Variants in FLAD1 observed in about 807,000 individuals in gnomAD.
FLAD1 encodes bifunctional FAD diphosphatase/FAD synthase.
FLAD1 carries 35 observed loss-of-function variants against 55.0 expected under a neutral mutation model. That is an observed-to-expected ratio of 0.64 (90% CI 0.49 to 0.84). The LOEUF (loss-of-function observed/expected upper bound fraction) is 0.84, where lower values mean the gene tolerates loss of function less well. FLAD1 is among the 40% of genes least tolerant of loss of function. The probability of loss-of-function intolerance (pLI) is 0.00; values close to 1 mark genes in which losing one functional copy is unlikely to be tolerated. For missense variants in FLAD1, 665 were observed against 742.6 expected, an observed-to-expected ratio of 0.90 and a Z score of 1.21; for synonymous variants, 267 against 303.0, an observed-to-expected ratio of 0.88 and a Z score of 1.23.
In FLAD1 at chr1:154,988,604, C is replaced by T; in HGVS notation, c.872C>T (p.Ala291Val). 1 of 1,614,230 alleles carries T rather than the reference C, an allele frequency of 6.2e-7. No individual in the cohort carries two copies. Among genetic ancestry groups the T allele is most frequent in the Non-Finnish European group, 8.5e-7 (1 of 1,180,054 alleles). The change falls in exon 2 of 7, where the codon GCC becomes GTC. Residue 291 changes from alanine to valine, a missense_variant. By Grantham distance (64) the Ala-to-Val change is moderately conservative (BLOSUM62 0). Transcript: ENST00000292180. ...SKELYVAADE[A>V]SIAPILAEAQ... ...GAGCTATATGTGGCTGCTGATGAAG[C>T]CTCCATCGCCCCCATTCTGGCTGAG...
At chr1:154,985,348 C>T (rs1208477365) in intron 1 of FLAD1, among the ~76,000 whole-genome samples, 8 of 150,844 alleles carry the variant, frequency 5.3e-5, no homozygotes, top group African/African-American at 1.2e-4. Context: ...CATGCCTCAG[C>T]CACCCGAGTA....
At position 154,992,893 on chromosome 1, in the gene FLAD1, C is replaced by G. The variant is rs1657943878; in HGVS notation, c.1629-9C>G. ...ACCACATGCTTGCCCTCCACCCTCCCTGCTCCAGATACACATCACTGGGGA... is the reference window on the plus strand; with the variant it reads ...ACCACATGCTTGCCCTCCACCCTCCGTGCTCCAGATACACATCACTGGGGA... On this transcript the variant is annotated splice_polypyrimidine_tract_variant and intron_variant, in intron 6 of 6. Coordinates refer to ENST00000292180, the MANE Select transcript of FLAD1 (RefSeq NM_025207.5). 3 of 1,613,976 alleles carry G rather than the reference C, an allele frequency of 1.9e-6. No individual in the cohort carries two copies. Among genetic ancestry groups the G allele is most frequent in the African/African-American group, 2.7e-5 (2 of 74,900 alleles).
chr1:154,990,078 C>T, intron 3 of FLAD1, 81 bp from the exon 4 acceptor site: 1 of 1,139,232 alleles, frequency 8.8e-7, no homozygotes, highest in Non-Finnish European at 1.3e-6. Flanking sequence ...GTCCTAGGGG[C>T]CAACGAGAAC....
At chr1:154,984,940 C>CT (rs1657499513) in intron 1 of FLAD1, among the ~76,000 whole-genome samples, 1 of 151,228 alleles carries the variant, frequency 6.6e-6, no homozygotes, top group Admixed American at 6.6e-5. Flanking sequence ...TCACAGCTCA[C>CT]TGAAGCCTCC....
At position 154,990,145 on chromosome 1, in the gene FLAD1, T is replaced by C; in HGVS notation, c.1266-14T>C. On this transcript the variant is annotated splice_polypyrimidine_tract_variant and intron_variant, in intron 3 of 6. Transcript: ENST00000292180. ...TCCATGCTCACAAGCCTGTGGATTC[T>C]TCCCCCTCTGCAGGAAATTACCTGA... 6.2e-7 allele frequency: 1 copy of C among 1,602,676 alleles called. No homozygotes were observed. Among genetic ancestry groups the C allele is most frequent in the Non-Finnish European group, 8.5e-7 (1 of 1,169,780 alleles).
intron 5 of FLAD1, among the ~76,000 whole-genome samples, chr1:154,991,645 A>C (rs1279574590): frequency 1.3e-5 from 2 of 152,118 alleles, no homozygotes; most frequent in African/African-American, 4.8e-5. Flanking sequence ...GAACATTTCC[A>C]TCATCACAGG....
intron 2 of FLAD1, 179 bp downstream of exon 2, chr1:154,989,028 T>C: frequency 7.0e-7 from 1 of 1,419,876 alleles, no homozygotes; most frequent in East Asian, 2.5e-5. Flanking sequence ...ATCAGCACTG[T>C]GCTAGGTGTT....
Position 154,983,798 on chromosome 1 carries a change from C to G in FLAD1, c.104C>G (p.Thr35Arg), listed in dbSNP as rs370863079. 1.9e-6 allele frequency: 3 copies of G among 1,614,174 alleles called. No individual in the cohort carries two copies. The African/African-American group carries it at 4.0e-5, about 22-fold the overall frequency. ...EKTRVFLEGS[T>R]RTPALPHCLF... ...ACTAGGGTCTTCCTCGAAGGAAGCA[C>G]GCGCACGCCTGCTCTCCCCCATTGT... The change falls in exon 1 of 7, where the codon ACG (threonine) becomes AGG (arginine). Residue 35 changes from threonine (T) to arginine (R), a missense_variant. Physicochemically the swap from Thr to Arg is moderately conservative, Grantham distance 71. Coordinates refer to ENST00000292180, the MANE Select transcript of FLAD1 (RefSeq NM_025207.5).
In FLAD1 at chr1:154,988,776, G is replaced by C. The variant is rs1406313458; in HGVS notation, c.1044G>C (p.Gln348His). 1 of 1,614,204 alleles carries C rather than the reference G, an allele frequency of 6.2e-7. No individual in the cohort carries two copies. The change falls in exon 2 of 7, where the codon CAG becomes CAC. Residue 348 changes from glutamine to histidine, a missense_variant. By Grantham distance (24) the Gln-to-His change is conservative (BLOSUM62 0). Coordinates refer to ENST00000292180, the MANE Select transcript of FLAD1 (RefSeq NM_025207.5). ...CCTACCTGACTGCCCGTTTGCCCCAGGGATCGCTGGTCCCCTACATGCCCA... is the reference window on the plus strand; with the variant it reads ...CCTACCTGACTGCCCGTTTGCCCCACGGATCGCTGGTCCCCTACATGCCCA... ...CLAYLTARLP[Q>H]GSLVPYMPNA...
In FLAD1 at chr1:154,989,095, C is replaced by CA. The variant is rs200784051; in HGVS notation, c.1117+253dup. 578 of 950,090 alleles carry CA rather than the reference C, an allele frequency of 6.1e-4. 4 individuals carry two copies. In the East Asian group the frequency reaches 0.013, roughly 21 times the overall value. 58.9% of individuals were successfully genotyped at this position (950,090 alleles called of 1,614,324 possible). A position where few individuals can be genotyped will look rare whatever the true frequency, so the allele number is the denominator to read the frequency against. ...CTGCTCTTATGGACCAGTGTTTTAA[C>CA]AAAAAAAGATGGACATTAAACAGGT... On this transcript the variant is annotated intron_variant, in intron 2 of 6. Coordinates refer to ENST00000292180, the MANE Select transcript of FLAD1 (RefSeq NM_025207.5).
rs1488498811 is a variant in FLAD1, at chr1:154,992,912, C to T, written c.1639C>T (p.Leu547=). 1.9e-6 allele frequency: 3 copies of T among 1,614,026 alleles called. No individual in the cohort carries two copies. The African/African-American group carries it at 4.0e-5, about 22-fold the overall frequency. The part of the protein sequence containing the change: ...CILYDRGYTS[L]GSRENTVRNP... ...CCCTCCCTGCTCCAGATACACATCA[C>T]TGGGGAGTCGGGAGAATACCGTGCG... is the stretch of plus-strand genomic sequence containing the variant. Residue 547 remains leucine, a synonymous_variant, in exon 7 of 7, where the codon CTG becomes TTG. Coordinates refer to ENST00000292180, the MANE Select transcript of FLAD1 (RefSeq NM_025207.5).
intron 1 of FLAD1, among the ~76,000 whole-genome samples, chr1:154,985,238 G>GTTTTTTTTTTT (rs113094117): frequency 8.0e-6 from 1 of 125,470 alleles, no homozygotes; most frequent in African/African-American, 2.9e-5. Flanking sequence ...TGTTTTTTTT[G>GTTTTTTTTTTT]TTTTTTTTTT....
chr1:154,986,280 G>A (rs1468272548), intron 1 of FLAD1, among the ~76,000 whole-genome samples: 4 of 151,054 alleles, frequency 2.6e-5, no homozygotes, highest in Non-Finnish European at 5.9e-5. Flanking sequence ...GCAGTGGCGC[G>A]GTCTCGGCTC....
chr1:154,986,745 C>T (rs1391087348), intron 1 of FLAD1, among the ~76,000 whole-genome samples: 2 of 123,170 alleles, frequency 1.6e-5, no homozygotes, highest in African/African-American at 6.4e-5. Context: ...GTCTCACTGT[C>T]GCCTAGGCTA....
Position 154,984,029 on chromosome 1 carries a change from C to T in FLAD1, c.335C>T (p.Thr112Met). The T allele has an allele frequency of 1.3e-6, 2 of 1,512,244 alleles. No homozygotes were observed. The highest frequency in any genetic ancestry group is 1.3e-5 in the South Asian group (1 of 74,812). The allele number at this position is 1,512,244 out of a possible 1,614,324, so 93.7% of individuals were successfully genotyped here. ...GAACTTTCTCCGGGGCGCAGCGTGA[C>T]GGCTGGCATCATCATTGTTGGAGAT... is the stretch of plus-strand genomic sequence containing the variant. Reference protein sequence around the residue: ...ASELSPGRSVTAGIIIVGDEI... With the variant: ...ASELSPGRSVMAGIIIVGDEI... Residue 112 changes from threonine (T) to methionine (M), a missense_variant, in exon 1 of 7, where the codon ACG (threonine) becomes ATG (methionine). Coordinates refer to ENST00000292180, the MANE Select transcript of FLAD1 (RefSeq NM_025207.5).
chr1:154,983,419 G>A lies in FLAD1; in HGVS notation c.-276G>A, dbSNP rs41264277. Reference sequence around the variant, plus strand: ...GCAGGTGAGAGTCTAAGAGGGCTCAGTAATCTGAAGCTTGGTGGGAAGAAG... The same window carrying A: ...GCAGGTGAGAGTCTAAGAGGGCTCAATAATCTGAAGCTTGGTGGGAAGAAG... On this transcript the variant is annotated 5_prime_UTR_variant, in exon 1 of 7. Transcript: ENST00000292180. 1.4e-5 allele frequency: 5 copies of A among 354,798 alleles called. No homozygotes were observed. The East Asian group carries it at 1.8e-4, about 13-fold the overall frequency. The allele number at this position is 354,798 out of a possible 1,614,324, so 22.0% of individuals were successfully genotyped here.
At chr1:154,986,297 A>G (rs1657601812) in intron 1 of FLAD1, among the ~76,000 whole-genome samples, 1 of 151,472 alleles carries the variant, frequency 6.6e-6, no homozygotes, top group Admixed American at 6.6e-5. Flanking sequence ...GCTCACTGCA[A>G]GCTCCGCCTC....
chr1:154,988,869 G>C lies in FLAD1; in HGVS notation c.1117+20G>C. 3 of 1,613,794 alleles carry C rather than the reference G, an allele frequency of 1.9e-6. No homozygotes were observed. The highest frequency in any genetic ancestry group is 1.1e-5 in the South Asian group (1 of 91,076). On this transcript the variant is annotated intron_variant, in intron 2 of 6. Transcript: ENST00000292180. Reference sequence around the variant, plus strand: ...AATCAGGTAGGGACCTTATGGAGGAGGGGCATTATGCCCAAAGCCATTGGT... The same window carrying C: ...AATCAGGTAGGGACCTTATGGAGGACGGGCATTATGCCCAAAGCCATTGGT...
chr1:154,992,492 T>G, intron 5 of FLAD1: 2 of 1,326,648 alleles, frequency 1.5e-6, no homozygotes. Context: ...ACCCTTGCAC[T>G]AGAGGGTGGT....
Sources: gnomAD v4.1 joint callset for allele counts (sites outside exome capture counted in the v4.1 genomes callset) on GRCh38, gnomAD v4.1.1 for gene constraint, MANE v1.5 for transcripts, NCBI Gene and HGNC (gene_info 2026-07-23, HGNC 2026-07-21) for gene names.